The following TCF20 variants were observed in gnomAD, a reference collection of about 807,000 sequenced individuals.
The protein encoded by TCF20 is transcription factor 20, also known as SPRE-binding protein.
TCF20 carries 3 observed loss-of-function variants against 148.6 expected under a neutral mutation model. The observed-to-expected ratio is 0.02, with a 90% CI of 0.01 to 0.05. The LOEUF (loss-of-function observed/expected upper bound fraction) is 0.05, where lower values mean the gene tolerates loss of function less well. Among genes scored for constraint, TCF20 ranks in the 10% least tolerant of loss-of-function variants. TCF20 has a pLI of 1.00. For synonymous variants in TCF20, 1,049 were observed against 909.5 expected (o/e 1.15, Z -2.76); for missense variants, 2,350 against 2,429.3 (o/e 0.97, Z 0.69).
chr22:42,290,719 A>G lies in TCF20; in HGVS notation c.-37+52760T>C, dbSNP rs1569202103. Among the ~76,000 whole-genome samples, 1 of 152,294 alleles carries G rather than the reference A, an allele frequency of 6.6e-6. No homozygotes were observed. Among genetic ancestry groups the G allele is most frequent in the South Asian group, 2.1e-4 (1 of 4,824 alleles). ...CTTCAGCGTTGGTCGCTGGGCTAAC[A>G]CTAGGCCTGGGGATGAGGCTGGGAT... On this transcript the variant is annotated intron_variant, in intron 1 of 1. Coordinates refer to the TCF20 transcript ENST00000515426. The surrounding 1 kb of genome is among the most constrained non-coding windows in gnomAD (Gnocchi z 4.2).
upstream of TCF20, among the ~76,000 whole-genome samples, chr22:42,271,858 G>T (rs373770783): frequency 5.0e-4 from 76 of 152,308 alleles, 1 homozygote; most frequent in African/African-American, 1.8e-3. Context: ...CTGGAACCCA[G>T]ATTTCCATAT....
At chr22:42,209,196 C>T (rs576439737) in intron 2 of TCF20, among the ~76,000 whole-genome samples, 2 of 152,248 alleles carry the variant, frequency 1.3e-5, no homozygotes, top group Admixed American at 1.3e-4. Context: ...TCCCACACAC[C>T]CTTTCTCACA....
At position 42,211,859 on chromosome 22, in the gene TCF20, C is replaced by T. The variant is rs1394901292; in HGVS notation, c.3447G>A (p.Val1149=). The T allele has an allele frequency of 3.1e-6, 5 of 1,614,202 alleles. No homozygotes were observed. Among genetic ancestry groups the T allele is most frequent in the African/African-American group, 1.3e-5 (1 of 75,048 alleles). ...DKDGMMYGPP[V]GTYHDPSAQE... is the part of the protein sequence containing the mutation. ...GGGCACTGGGGTCATGGTAAGTCCC[C>T]ACTGGTGGGCCATACATCATACCAT... Residue 1149 remains valine, a synonymous_variant, in exon 2 of 6, where the codon GTG becomes GTA. Coordinates refer to ENST00000677622, the MANE Select transcript of TCF20 (RefSeq NM_001378418.1).
intron 5 of TCF20, 76 bp from the exon 6 acceptor site, chr22:42,161,434 A>AC: frequency 1.2e-6 from 2 of 1,602,734 alleles, no homozygotes; most frequent in South Asian, 1.1e-5. Context: ...GTTCCGTGGT[A>AC]CCCCTGGGAG....
chr22:42,179,871 C>A (rs1340403554), intron 2 of TCF20, among the ~76,000 whole-genome samples, 169 bp from the exon 3 acceptor site: 3 of 152,128 alleles, frequency 2.0e-5, no homozygotes, highest in Non-Finnish European at 4.4e-5. Flanking sequence ...CTGACCACAC[C>A]ATGGGAAGGG....
chr22:42,219,355 CAAAAAAAAAA>C (rs528664836), intron 1 of TCF20, among the ~76,000 whole-genome samples: 21,088 of 43,688 alleles, frequency 0.48, 3,100 homozygotes, highest in East Asian at 0.57. Context: ...AACCCTGTCT[CAAAAAAAAAA>C]AAAAAAAAAA....
At chr22:42,267,334 G>A (rs183363605) in intron 1 of TCF20, among the ~76,000 whole-genome samples, 1 of 152,092 alleles carries the variant, frequency 6.6e-6, no homozygotes, top group Non-Finnish European at 1.5e-5. Context: ...CACACTGAAC[G>A]CAAGGTCATA....
chr22:42,270,766 G>T (rs1926581381), upstream of TCF20, among the ~76,000 whole-genome samples: 1 of 144,990 alleles, frequency 6.9e-6, no homozygotes, highest in Non-Finnish European at 1.5e-5. Flanking sequence ...GGCGCTGGGG[G>T]CGGGGCCGGG....
chr22:42,185,089 A>AT (rs2147110396), intron 2 of TCF20, among the ~76,000 whole-genome samples: 1 of 152,366 alleles, frequency 6.6e-6, no homozygotes, highest in Non-Finnish European at 1.5e-5. Context: ...CTTATGAGAT[A>AT]TAACAGCAAC....
At position 42,209,870 on chromosome 22, in the gene TCF20, GGCT is replaced by G. The variant is rs1400582583; in HGVS notation, c.5433_5435del (p.Ala1812del). 2.5e-6 allele frequency: 4 copies of G among 1,614,050 alleles called. No individual in the cohort carries two copies. Among genetic ancestry groups the G allele is most frequent in the Admixed American group, 1.7e-5 (1 of 59,998 alleles). ...CAGTCTTTTCACTGCTGCCCTCAGT[GGCT>G]GCTTTTTTACAAGGGAGCCCCCTGG... On this transcript the variant is annotated inframe_deletion, in exon 2 of 6. Transcript: ENST00000677622.
intron 1 of TCF20, among the ~76,000 whole-genome samples, chr22:42,328,770 G>A (rs536078336): frequency 6.6e-6 from 1 of 152,350 alleles, no homozygotes; most frequent in African/African-American, 2.4e-5. Flanking sequence ...AGTGTTCACT[G>A]GTTCACTAAA....
chr22:42,328,350 C>A (rs757557308), intron 1 of TCF20, among the ~76,000 whole-genome samples: 2 of 152,168 alleles, frequency 1.3e-5, no homozygotes, highest in African/African-American at 2.4e-5. Flanking sequence ...ACGGGATGGG[C>A]GCCCTCAGGG....
chr22:42,207,990 C>G (rs148272393), intron 2 of TCF20, among the ~76,000 whole-genome samples: 1 of 152,268 alleles, frequency 6.6e-6, no homozygotes, highest in Non-Finnish European at 1.5e-5. Flanking sequence ...GGTGGTGAGA[C>G]CAGCCTGCCT....
intron 3 of TCF20, among the ~76,000 whole-genome samples, chr22:42,170,351 A>T (rs1405467387): frequency 2.1e-5 from 3 of 145,334 alleles, no homozygotes; most frequent in Non-Finnish European, 4.6e-5. Flanking sequence ...AAAAAAAAAA[A>T]ATACTGAAAG....
chr22:42,234,424 C>T (rs1019159703), intron 1 of TCF20, among the ~76,000 whole-genome samples: 1 of 152,180 alleles, frequency 6.6e-6, no homozygotes, highest in African/African-American at 2.4e-5. Flanking sequence ...TTATGGGGTC[C>T]TCTCCATATG....
At position 42,210,948 on chromosome 22, in the gene TCF20, G is replaced by C; in HGVS notation, c.4358C>G (p.Thr1453Arg). The change falls in exon 2 of 6, where the codon ACA becomes AGA. Residue 1453 changes from threonine to arginine, a missense_variant. By Grantham distance (71) the Thr-to-Arg change is moderately conservative. Transcript: ENST00000677622. The surrounding 1 kb of genome is among the most constrained non-coding windows in gnomAD (Gnocchi z 4.7). ...AGGGGGTTCCTTTCCGGCAGTAACT[G>C]TTTCTGCATGTGTCTCTGTCTTCAC... ...DKVKTETHAETVTAGKEPPGA... is the reference protein window; with the variant it reads ...DKVKTETHAERVTAGKEPPGA... 1 of 1,614,162 alleles carries C rather than the reference G, an allele frequency of 6.2e-7. No homozygotes were observed. The highest frequency in any genetic ancestry group is 8.5e-7 in the Non-Finnish European group (1 of 1,180,042).
At chr22:42,234,311 C>A (rs560689101) in intron 1 of TCF20, among the ~76,000 whole-genome samples, 2 of 152,176 alleles carry the variant, frequency 1.3e-5, no homozygotes, top group Non-Finnish European at 2.9e-5. Flanking sequence ...TTTTACTGGA[C>A]GTACCAACAC....
chr22:42,236,713 T>TC (rs1156521534), intron 1 of TCF20, among the ~76,000 whole-genome samples: 5 of 152,040 alleles, frequency 3.3e-5, no homozygotes, highest in Non-Finnish European at 1.5e-5. Flanking sequence ...CTATGAAAAA[T>TC]CAGCCACAAG....
intron 1 of TCF20, among the ~76,000 whole-genome samples, chr22:42,246,973 T>TAAAAAAAAAAA (rs745840080): frequency 1.7e-5 from 1 of 59,916 alleles, no homozygotes. Flanking sequence ...CTCAAAAAAT[T>TAAAAAAAAAAA]AAAAAAAAAA....
Sources: gnomAD v4.1 joint callset for allele counts (sites outside exome capture counted in the v4.1 genomes callset) on GRCh38, gnomAD v4.1.1 for gene constraint, Gnocchi (gnomAD v3.1) non-coding constraint, MANE v1.5 for transcripts, NCBI Gene and HGNC (gene_info 2026-07-23, HGNC 2026-07-21) for gene names.